The following CLRN3 variants were observed in gnomAD, a reference collection of about 807,000 sequenced individuals.
CLRN3 encodes the protein clarin 3, also known as clarin-3.
A neutral mutation model predicts 16.7 loss-of-function variants in CLRN3; 12 were observed. The ratio of observed to expected loss-of-function variants is 0.72; its 90% CI spans 0.46 to 1.16. The LOEUF (loss-of-function observed/expected upper bound fraction) is 1.16, where lower values mean the gene tolerates loss of function less well. Among genes scored for constraint, CLRN3 ranks in the 50% most tolerant of loss-of-function variants. CLRN3 has a pLI of 0.00. For synonymous variants in CLRN3, 118 were observed against 113.0 expected (o/e 1.04, Z -0.28); for missense variants, 296 against 274.2 (o/e 1.08, Z -0.56).
At chr10:127,882,243 C>T (rs552493363) in intron 2 of CLRN3, among the ~76,000 whole-genome samples, 13 of 152,142 alleles carry the variant, frequency 8.5e-5, no homozygotes, top group Non-Finnish European at 1.6e-4. Flanking sequence ...TTTGTTTTTA[C>T]CCCCAAATAA....
chr10:127,883,985 T>C (rs10765177), intron 1 of CLRN3, 110 bp from the exon 2 acceptor site: 220,027 of 993,476 alleles, frequency 0.22, 27,006 homozygotes, highest in African/African-American at 0.36. Flanking sequence ...TTGTTGGATG[T>C]CAGTTAGAGA....
intron 1 of CLRN3, among the ~76,000 whole-genome samples, chr10:127,891,265 T>C (rs1472234006): frequency 6.6e-6 from 1 of 152,242 alleles, no homozygotes; most frequent in East Asian, 1.9e-4. Flanking sequence ...AGATAGTTGA[T>C]GCTTTCTTTG....
At chr10:127,890,124 C>G (rs1160002484) in intron 1 of CLRN3, among the ~76,000 whole-genome samples, 2 of 152,224 alleles carry the variant, frequency 1.3e-5, no homozygotes, top group Non-Finnish European at 1.5e-5. Flanking sequence ...GGCCAGGAAC[C>G]ATGTGCAATT....
At position 127,892,862 on chromosome 10, in the gene CLRN3, T is replaced by C. The variant is rs143493082; in HGVS notation, c.-78A>G. On this transcript the variant is annotated 5_prime_UTR_variant, in exon 1 of 3. Transcript: ENST00000368671. ...CACTTTTGAACCTTATCTTTTGAAG[T>C]CTGGTATTTAGAAATGGAGTCTAAC... The C allele has an allele frequency of 6.0e-6, 5 of 838,828 alleles. No individual in the cohort carries two copies. Among genetic ancestry groups the C allele is most frequent in the Non-Finnish European group, 9.7e-6 (5 of 513,238 alleles). The allele number at this position is 838,828 out of a possible 1,614,324, so 52.0% of individuals were successfully genotyped here. A position where few individuals can be genotyped will look rare whatever the true frequency, so the allele number is the denominator to read the frequency against.
At chr10:127,888,915 T>A (rs1845227058) in intron 1 of CLRN3, among the ~76,000 whole-genome samples, 1 of 152,122 alleles carries the variant, frequency 6.6e-6, no homozygotes, top group African/African-American at 2.4e-5. Context: ...GGAAGATTTT[T>A]AAAAAACGAG....
At chr10:127,891,425 A>G (rs1350797309) in intron 1 of CLRN3, among the ~76,000 whole-genome samples, 1 of 152,220 alleles carries the variant, frequency 6.6e-6, no homozygotes, top group African/African-American at 2.4e-5. Context: ...TGCTATTCAC[A>G]TAACTGAAAG....
rs750028999 is a variant in CLRN3, at chr10:127,892,792, G to A, written c.-8C>T. 12 of 1,551,856 alleles carry A rather than the reference G, an allele frequency of 7.7e-6. No homozygotes were observed. In the East Asian group the frequency reaches 2.5e-4, roughly 32 times the overall value. On this transcript the variant is annotated 5_prime_UTR_variant, in exon 1 of 3. Coordinates refer to ENST00000368671, the MANE Select transcript of CLRN3 (RefSeq NM_152311.5). ...CTTCTTTGTGGTAGGCATTTTCACAGGAAAATAAGTTCTCTAGGACAAAAA... is the reference window on the plus strand; with the variant it reads ...CTTCTTTGTGGTAGGCATTTTCACAAGAAAATAAGTTCTCTAGGACAAAAA...
intron 2 of CLRN3, among the ~76,000 whole-genome samples, chr10:127,879,626 G>C (rs536925440): frequency 1.3e-5 from 2 of 152,268 alleles, no homozygotes; most frequent in African/African-American, 4.8e-5. Context: ...GGGCTGGGAG[G>C]GGGTGATAGC....
chr10:127,891,106 C>T (rs1056085807), intron 1 of CLRN3, among the ~76,000 whole-genome samples: 21 of 152,180 alleles, frequency 1.4e-4, no homozygotes, highest in South Asian at 4.1e-4. Context: ...CCTGGGCTGC[C>T]GCACCTACCT....
At chr10:127,884,009 C>T in intron 1 of CLRN3, 134 bp from the exon 2 acceptor site, 1 of 784,418 alleles carries the variant, frequency 1.3e-6, no homozygotes, top group South Asian at 1.5e-5. Flanking sequence ...CAGGAGCCTC[C>T]AACCCATGCA....
intron 1 of CLRN3, among the ~76,000 whole-genome samples, chr10:127,891,177 C>T (rs1845254101): frequency 6.6e-6 from 1 of 152,248 alleles, no homozygotes. Context: ...CTGACATCAC[C>T]ATGCTCACCT....
intron 1 of CLRN3, among the ~76,000 whole-genome samples, chr10:127,884,214 G>A (rs1444233338): frequency 6.6e-6 from 1 of 152,312 alleles, no homozygotes; most frequent in Non-Finnish European, 1.5e-5. Context: ...CCTTGCCAAG[G>A]TGCTTTTCCC....
At chr10:127,890,877 T>A (rs1390681029) in intron 1 of CLRN3, among the ~76,000 whole-genome samples, 1 of 152,150 alleles carries the variant, frequency 6.6e-6, no homozygotes, top group Admixed American at 6.5e-5. Context: ...ATTATTACAA[T>A]CATTGGCAAT....
chr10:127,892,828 T>A lies in CLRN3; in HGVS notation c.-44A>T. On this transcript the variant is annotated 5_prime_UTR_variant, in exon 1 of 3. The change creates a new upstream start codon in the 5' untranslated region. Transcript: ENST00000368671. The stretch of plus-strand genomic sequence containing the variant: ...TCTCTAGGACAAAAAAAGGAATATC[T>A]TCTTATAACACTTTTGAACCTTATC... 1 of 1,123,830 alleles carries A rather than the reference T, an allele frequency of 8.9e-7. No homozygotes were observed. The highest frequency in any genetic ancestry group is 1.3e-6 in the Non-Finnish European group (1 of 746,718). 69.6% of individuals were successfully genotyped at this position (1,123,830 alleles called of 1,614,324 possible).
intron 2 of CLRN3, 81 bp downstream of exon 2, chr10:127,883,615 A>G (rs1845155919): frequency 1.0e-6 from 1 of 986,662 alleles, no homozygotes; most frequent in Non-Finnish European, 1.6e-6. Context: ...GTGTATGTTC[A>G]TGCATGTGTG....
rs141586395 is a variant in CLRN3, at chr10:127,880,618, G to A, written c.410-2198C>T. On this transcript the variant is annotated intron_variant, in intron 2 of 2. Transcript: ENST00000368671. ...CTCAGGGGACAATTTTATCCCCTGA[G>A]GCCAGGATACAGCCTCATCAGGTCA... 4.4e-3 allele frequency among the ~76,000 whole-genome samples: 674 copies of A among 152,296 alleles called. 2 individuals are homozygous for A. Among genetic ancestry groups the A allele is most frequent in the African/African-American group, 0.015 (631 of 41,546 alleles).
rs1214249793 is a variant in CLRN3, at chr10:127,883,287, T to TGC, written c.409+408_409+409insGC. Reference sequence around the variant, plus strand: ...GTGTGTTCATGTGTGTGTGTGTGTGTGTGCACATGTGTGTGTGCATGCGTG... The same window carrying TGC: ...GTGTGTTCATGTGTGTGTGTGTGTGTGCGTGCACATGTGTGTGTGCATGCGTG... On this transcript the variant is annotated intron_variant, in intron 2 of 2. Coordinates refer to ENST00000368671, the MANE Select transcript of CLRN3 (RefSeq NM_152311.5). Among the ~76,000 whole-genome samples the TGC allele has an allele frequency of 6.3e-3, 939 of 149,480 alleles. 7 individuals are homozygous for TGC. Among genetic ancestry groups the TGC allele is most frequent in the African/African-American group, 0.022 (874 of 40,248 alleles).
intron 2 of CLRN3, among the ~76,000 whole-genome samples, chr10:127,879,662 G>T (rs1481602196): frequency 1.3e-5 from 2 of 152,178 alleles, no homozygotes; most frequent in Non-Finnish European, 2.9e-5. Flanking sequence ...TTCTTTTCAA[G>T]GTGATCAAAA....
chr10:127,891,213 G>C (rs1253419132), intron 1 of CLRN3, among the ~76,000 whole-genome samples: 2 of 152,208 alleles, frequency 1.3e-5, no homozygotes, highest in Non-Finnish European at 2.9e-5. Context: ...TTTAGAGCCA[G>C]GTCCTGACAC....
Sources: allele counts gnomAD v4.1 joint callset (sites outside exome capture counted in the v4.1 genomes callset), GRCh38; gene constraint gnomAD v4.1.1; transcripts MANE v1.5; gene names NCBI Gene and HGNC (gene_info 2026-07-23, HGNC 2026-07-21).